The following SPICE1 variants were observed in gnomAD, a reference collection of about 807,000 sequenced individuals.
SPICE1 encodes spindle and centriole-associated protein 1.
Under a neutral mutation model 102.7 loss-of-function variants are expected in SPICE1, and 75 were observed. That is an observed-to-expected ratio of 0.73 (90% CI 0.61 to 0.88). SPICE1 has a LOEUF of 0.88. SPICE1 is among the 40% of genes least tolerant of loss of function. The pLI is 0.00. For missense variants in SPICE1, 979 were observed against 1,020.1 expected, an observed-to-expected ratio of 0.96 and a Z score of 0.55; for synonymous variants, 308 against 350.3, an observed-to-expected ratio of 0.88 and a Z score of 1.35.
chr3:113,508,520 G>A (rs565996925), intron 1 of SPICE1, among the ~76,000 whole-genome samples: 1 of 152,244 alleles, frequency 6.6e-6, no homozygotes, highest in South Asian at 2.1e-4. Context: ...ATGAAAAGAT[G>A]TTCAACATAA....
intron 7 of SPICE1, among the ~76,000 whole-genome samples, chr3:113,475,208 C>T (rs1428950896): frequency 2.6e-5 from 4 of 152,198 alleles, no homozygotes; most frequent in African/African-American, 9.6e-5. Flanking sequence ...TTCCTCGACA[C>T]ATACATCCTC....
chr3:113,484,417 C>T (rs1257993165), intron 7 of SPICE1, among the ~76,000 whole-genome samples: 2 of 152,086 alleles, frequency 1.3e-5, no homozygotes, highest in Non-Finnish European at 2.9e-5. Context: ...TTGTCTTCTG[C>T]TAACTTTTGA....
At chr3:113,503,513 T>C (rs1937049285) in intron 2 of SPICE1, among the ~76,000 whole-genome samples, 1 of 152,166 alleles carries the variant, frequency 6.6e-6, no homozygotes, top group African/African-American at 2.4e-5. Context: ...AAAATGAATA[T>C]ATGATATATG....
intron 11 of SPICE1, among the ~76,000 whole-genome samples, chr3:113,464,250 TTTG>T (rs1360887991): frequency 1.3e-5 from 2 of 150,810 alleles, no homozygotes; most frequent in African/African-American, 2.4e-5. Context: ...GTTTCAGTTT[TTTG>T]TTGTTTTTTT....
At chr3:113,462,197 G>A (rs1935947456) in intron 11 of SPICE1, among the ~76,000 whole-genome samples, 2 of 152,162 alleles carry the variant, frequency 1.3e-5, no homozygotes. Flanking sequence ...AAGCTGCCAT[G>A]TCTCACCTGA....
chr3:113,491,013 A>T (rs1449702196), intron 6 of SPICE1, among the ~76,000 whole-genome samples: 1 of 152,000 alleles, frequency 6.6e-6, no homozygotes, highest in Admixed American at 6.5e-5. Context: ...CATCTTCCAC[A>T]CTATACTGGA....
chr3:113,473,391 A>G (rs1201720090), intron 7 of SPICE1, among the ~76,000 whole-genome samples: 2 of 152,092 alleles, frequency 1.3e-5, no homozygotes, highest in South Asian at 2.1e-4. Context: ...AACTTCCCCA[A>G]TCTAGCAAGG....
At chr3:113,514,554 G>C (rs1016583256) in intron 1 of SPICE1, 1 of 418,552 alleles carries the variant, frequency 2.4e-6, no homozygotes, top group South Asian at 1.7e-5. Context: ...CCAAGCTCTC[G>C]CCTCACACAC....
intron 3 of SPICE1, among the ~76,000 whole-genome samples, 159 bp from the exon 4 acceptor site, chr3:113,499,741 C>T (rs535452011): frequency 3.9e-5 from 6 of 152,210 alleles, no homozygotes; most frequent in African/African-American, 1.2e-4. Context: ...TTTCAGTCCC[C>T]TAAATTTTCA....
At chr3:113,493,871 T>C (rs1276266424) in intron 5 of SPICE1, among the ~76,000 whole-genome samples, 178 bp downstream of exon 5, 1 of 152,232 alleles carries the variant, frequency 6.6e-6, no homozygotes, top group Admixed American at 6.5e-5. Context: ...TAGTTAATAT[T>C]CTTAGTGGAA....
chr3:113,448,262 C>CCTG, intron 15 of SPICE1, 122 bp from the exon 16 acceptor site: 1 of 829,760 alleles, frequency 1.2e-6, no homozygotes, highest in South Asian at 2.5e-5. Context: ...CTGTTTTAAT[C>CCTG]TTAGCCCAAG....
intron 11 of SPICE1, among the ~76,000 whole-genome samples, chr3:113,460,966 A>G (rs1020370702): frequency 3.9e-5 from 6 of 152,178 alleles, no homozygotes; most frequent in Non-Finnish European, 7.4e-5. Context: ...AATTATAAAT[A>G]TTCTAATAGT....
Position 113,457,291 on chromosome 3 carries a change from G to T in SPICE1, c.1502C>A (p.Pro501Gln), listed in dbSNP as rs1426723682. 6.2e-7 allele frequency: 1 copy of T among 1,614,028 alleles called. No homozygotes were observed. Among genetic ancestry groups the T allele is most frequent in the African/African-American group, 1.3e-5 (1 of 74,918 alleles). Residue 501 changes from proline to glutamine, a missense_variant, in exon 13 of 18, where the codon CCA becomes CAA. By Grantham distance (76) the Pro-to-Gln change is moderately conservative. Coordinates refer to ENST00000295872, the MANE Select transcript of SPICE1 (RefSeq NM_144718.4). ...LMFREEVAEF[P>Q]QEELPVKLSQ... Reference sequence around the variant, plus strand: ...CAGTTTAACGGGCAACTCTTCCTGTGGGAATTCAGCCACTTCCTCTCTGAA... The same window carrying T: ...CAGTTTAACGGGCAACTCTTCCTGTTGGAATTCAGCCACTTCCTCTCTGAA...
intron 1 of SPICE1, chr3:113,514,490 G>A: frequency 2.6e-6 from 1 of 377,934 alleles, no homozygotes; most frequent in Admixed American, 3.2e-5. Flanking sequence ...CCCCCATATG[G>A]CCCGGCTGAC....
At chr3:113,504,571 CA>C (rs71633321) in intron 2 of SPICE1, among the ~76,000 whole-genome samples, 3,586 of 67,806 alleles carry the variant, frequency 0.053, 28 homozygotes, top group East Asian at 0.1. Flanking sequence ...GACCTTGTCT[CA>C]AAAAAAAAAA....
intron 6 of SPICE1, among the ~76,000 whole-genome samples, chr3:113,491,657 TA>T (rs1334857727): frequency 7.6e-6 from 1 of 132,158 alleles, no homozygotes; most frequent in Non-Finnish European, 1.6e-5. Context: ...AAAGATTATC[TA>T]TAGCAACACC....
intron 7 of SPICE1, among the ~76,000 whole-genome samples, chr3:113,480,290 A>G (rs1189647843): frequency 2.6e-5 from 4 of 152,112 alleles, no homozygotes; most frequent in Non-Finnish European, 5.9e-5. Flanking sequence ...CAAAAAACAG[A>G]TAGTCTCAGT....
chr3:113,465,035 G>A (rs1380190797), intron 11 of SPICE1, among the ~76,000 whole-genome samples: 4 of 151,390 alleles, frequency 2.6e-5, no homozygotes, highest in African/African-American at 9.7e-5. Flanking sequence ...GAGCCCAGGA[G>A]GTCCAGGCTG....
chr3:113,469,958 T>C (rs12488964), intron 7 of SPICE1, among the ~76,000 whole-genome samples: 66,520 of 152,074 alleles, frequency 0.44, 16,506 homozygotes, highest in Admixed American at 0.57. Context: ...GACCACAGCA[T>C]ACTCTGTCCC....
Sources: allele counts gnomAD v4.1 joint callset (sites outside exome capture counted in the v4.1 genomes callset), GRCh38; gene constraint gnomAD v4.1.1; transcripts MANE v1.5; gene names NCBI Gene and HGNC (gene_info 2026-07-23, HGNC 2026-07-21).